Variants in SATB2 observed in about 807,000 individuals in gnomAD.
SATB2 encodes the protein SATB homeobox 2, also known as DNA-binding protein SATB2.
Under a neutral mutation model 73.4 loss-of-function variants are expected in SATB2, and 1 was observed. That is an observed-to-expected ratio of 0.01 (90% CI 0.00 to 0.06). SATB2 has a LOEUF of 0.06. Ranked by LOEUF, SATB2 falls within the 10% of genes least tolerant of loss-of-function variation. The pLI is 1.00. For missense variants in SATB2, 459 were observed against 945.8 expected (o/e 0.49, Z 6.75); for synonymous variants, 397 against 367.0 (o/e 1.08, Z -0.93).
At chr2:199,289,464 A>G (rs1311489444) in intron 10 of SATB2, among the ~76,000 whole-genome samples, 2 of 152,176 alleles carry the variant, frequency 1.3e-5, no homozygotes, top group East Asian at 1.9e-4. Flanking sequence ...CTACTCCCAC[A>G]AGGCCATTCA....
intron 3 of SATB2, among the ~76,000 whole-genome samples, chr2:199,391,446 A>AC (rs1170289164): frequency 1.0e-4 from 15 of 150,538 alleles, no homozygotes; most frequent in African/African-American, 3.4e-4. Context: ...AAAAAAAAAA[A>AC]AAAAAACAAA....
intron 3 of SATB2, among the ~76,000 whole-genome samples, chr2:199,409,246 C>T (rs1206717450): frequency 7.0e-6 from 1 of 143,806 alleles, no homozygotes; most frequent in East Asian, 2.1e-4. Flanking sequence ...CTCAGCTCAC[C>T]ACAACCTCCG....
At chr2:199,320,343 A>G (rs1687851326) in intron 9 of SATB2, among the ~76,000 whole-genome samples, 1 of 152,194 alleles carries the variant, frequency 6.6e-6, no homozygotes. Context: ...ATTCACACAC[A>G]GAAAATTATT....
intron 5 of SATB2, among the ~76,000 whole-genome samples, chr2:199,372,173 A>G (rs1689469066): frequency 6.6e-6 from 1 of 152,220 alleles, no homozygotes; most frequent in Non-Finnish European, 1.5e-5. Context: ...TGAAATTTTA[A>G]GTATAAAGGT....
At chr2:199,423,401 T>C (rs1691231367) in intron 3 of SATB2, among the ~76,000 whole-genome samples, 1 of 152,054 alleles carries the variant, frequency 6.6e-6, no homozygotes, top group South Asian at 2.1e-4. Context: ...CTTTTAAAGT[T>C]TCTTAGCTTT....
chr2:199,470,722 T>C (rs1214202380), intron 1 of SATB2: 1 of 152,334 alleles, frequency 6.6e-6, no homozygotes, highest in Non-Finnish European at 1.5e-5. Flanking sequence ...ACCACACCAG[T>C]GGGTACCCGG....
chr2:199,377,889 A>G (rs6435014), intron 5 of SATB2, among the ~76,000 whole-genome samples: 143,522 of 152,120 alleles, frequency 0.94, 68,287 homozygotes, highest in East Asian at 1. Context: ...GAGGGAGAAG[A>G]AACTGTTTAG....
intron 3 of SATB2, among the ~76,000 whole-genome samples, chr2:199,392,406 C>CAAT (rs1409133193): frequency 1.4e-5 from 2 of 147,966 alleles, no homozygotes; most frequent in Admixed American, 6.8e-5. Flanking sequence ...GCTGAATAGA[C>CAAT]AATACCCAGG....
intron 8 of SATB2, among the ~76,000 whole-genome samples, chr2:199,327,267 C>T (rs1688055041): frequency 6.6e-6 from 1 of 152,068 alleles, no homozygotes; most frequent in Non-Finnish European, 1.5e-5. Flanking sequence ...TGGTGAAACC[C>T]AACCTCTACT....
chr2:199,332,174 A>T (rs1430601415), intron 7 of SATB2, among the ~76,000 whole-genome samples: 1 of 152,184 alleles, frequency 6.6e-6, no homozygotes, highest in Non-Finnish European at 1.5e-5. Context: ...GCAAGTATTG[A>T]GTAAAGTGAT....
chr2:199,365,921 T>G (rs1689269785), intron 6 of SATB2, among the ~76,000 whole-genome samples: 1 of 152,100 alleles, frequency 6.6e-6, no homozygotes, highest in South Asian at 2.1e-4. Flanking sequence ...ACCTAGGAGA[T>G]CTATATGTGG....
At chr2:199,413,144 A>G (rs1401861240) in intron 3 of SATB2, among the ~76,000 whole-genome samples, 2 of 152,328 alleles carry the variant, frequency 1.3e-5, no homozygotes, top group East Asian at 3.9e-4. Context: ...ATATCTTCTC[A>G]TAATCTATAT....
chr2:199,382,014 A>G (rs1689794241), intron 3 of SATB2, among the ~76,000 whole-genome samples, 194 bp from the exon 4 acceptor site: 1 of 152,200 alleles, frequency 6.6e-6, no homozygotes. Flanking sequence ...GATGGGAAGG[A>G]AAGAATGAGG....
In SATB2 at chr2:199,272,684, G is replaced by C. The variant is rs1692196904; in HGVS notation, c.1741-12C>G. On this transcript the variant is annotated splice_polypyrimidine_tract_variant and intron_variant, in intron 10 of 10. Coordinates refer to ENST00000417098, the MANE Select transcript of SATB2 (RefSeq NM_001172509.2). This position sits in a 1 kb window ranked among gnomAD's most constrained non-coding sequence, Gnocchi z 6.7. ...TGTCTATGAAGTACCTGATAATTAAGAGAGAAAAAAATGAACACTGGACTC... is the reference window on the plus strand; with the variant it reads ...TGTCTATGAAGTACCTGATAATTAACAGAGAAAAAAATGAACACTGGACTC... The C allele has an allele frequency of 6.2e-7, 1 of 1,611,220 alleles. No homozygotes were observed. The highest frequency in any genetic ancestry group is 8.5e-7 in the Non-Finnish European group (1 of 1,177,454).
At chr2:199,416,754 G>T (rs187780603) in intron 3 of SATB2, among the ~76,000 whole-genome samples, 160 of 152,176 alleles carry the variant, frequency 1.1e-3, no homozygotes, top group African/African-American at 3.8e-3. Flanking sequence ...AACATAACAT[G>T]GGCCAAGTGC....
chr2:199,381,193 T>TTTTG (rs138386740), intron 4 of SATB2, among the ~76,000 whole-genome samples: 9 of 151,458 alleles, frequency 5.9e-5, no homozygotes, highest in African/African-American at 2.2e-4. Context: ...CAAAGTGTGT[T>TTTTG]TTTGTTTGTT....
chr2:199,357,588 A>G (rs1377930206), intron 6 of SATB2, among the ~76,000 whole-genome samples: 1 of 152,106 alleles, frequency 6.6e-6, no homozygotes, highest in Non-Finnish European at 1.5e-5. Flanking sequence ...TTTAAAGTGC[A>G]TTTCTATTTG....
upstream of SATB2, chr2:199,468,808 A>G (rs570782621): frequency 6.6e-6 from 1 of 152,482 alleles, no homozygotes; most frequent in South Asian, 2.1e-4. Flanking sequence ...GGCCCTGGCA[A>G]TCTCTGCACT....
chr2:199,436,213 A>T (rs1277719477), intron 2 of SATB2, among the ~76,000 whole-genome samples: 1 of 152,222 alleles, frequency 6.6e-6, no homozygotes, highest in Non-Finnish European at 1.5e-5. Flanking sequence ...ATTAATTTTT[A>T]AAAATAATAT....
Sources: allele counts gnomAD v4.1 joint callset (sites outside exome capture counted in the v4.1 genomes callset), GRCh38; gene constraint gnomAD v4.1.1; non-coding constraint Gnocchi (gnomAD v3.1); transcripts MANE v1.5; gene names NCBI Gene and HGNC (gene_info 2026-07-23, HGNC 2026-07-21).